The following LRRIQ1 variants were observed in gnomAD, a reference collection of about 807,000 sequenced individuals.
The protein encoded by LRRIQ1 is leucine rich repeats and IQ motif containing 1.
In LRRIQ1, 210 loss-of-function variants were observed where a neutral mutation model predicts 211.9. The observed-to-expected ratio is 0.99, with a 90% CI of 0.89 to 1.11. The LOEUF is 1.11. Among genes scored for constraint, LRRIQ1 ranks in the 50% most tolerant of loss-of-function variants. The pLI, the probability that LRRIQ1 is intolerant of heterozygous loss-of-function variation, is 0.00. For missense variants in LRRIQ1, 2,136 were observed against 1,939.5 expected, an observed-to-expected ratio of 1.10 and a Z score of -1.90; for synonymous variants, 699 against 650.1, an observed-to-expected ratio of 1.08 and a Z score of -1.14.
chr12:85,127,879 GCAGA>G lies in LRRIQ1; in HGVS notation c.4061_4064del (p.Gln1354LeufsTer26), dbSNP rs1888483973. The G allele has an allele frequency of 6.2e-7, 1 of 1,613,818 alleles. No individual in the cohort carries two copies. Among genetic ancestry groups the G allele is most frequent in the Non-Finnish European group, 8.5e-7 (1 of 1,179,974 alleles). On this transcript the variant is annotated frameshift_variant, in exon 18 of 27. Coordinates refer to ENST00000393217, the MANE Select transcript of LRRIQ1 (RefSeq NM_001079910.2). LOFTEE classifies it high-confidence loss of function. ...TCATACTGGCGTGGTTACCTCATGC[GCAGA>G]CAGACTCATTTCTCCACAAGGCTAC...
chr12:85,190,445 ATAT>A (rs1892451025), intron 24 of LRRIQ1, among the ~76,000 whole-genome samples: 1 of 147,598 alleles, frequency 6.8e-6, no homozygotes, highest in South Asian at 2.1e-4. Context: ...AAATAGTTTA[ATAT>A]TAATATAAAT....
intron 23 of LRRIQ1, among the ~76,000 whole-genome samples, chr12:85,158,450 C>T (rs1890680477): frequency 6.6e-6 from 1 of 151,412 alleles, no homozygotes; most frequent in African/African-American, 2.4e-5. Flanking sequence ...TAATAATAAC[C>T]AGATTTGTAT....
In LRRIQ1 at chr12:85,143,171, C is replaced by T. The variant is rs112684109; in HGVS notation, c.4329+5202C>T. Among the ~76,000 whole-genome samples the T allele has an allele frequency of 2.8e-3, 431 of 151,692 alleles. 1 individual carries two copies. The highest frequency in any genetic ancestry group is 9.9e-3 in the African/African-American group (409 of 41,452). On this transcript the variant is annotated intron_variant, in intron 19 of 26. Coordinates refer to ENST00000393217, the MANE Select transcript of LRRIQ1 (RefSeq NM_001079910.2). ...TATTTTAACATGTGTGAGGTGATAT[C>T]TCATTGTGGTTTTAATCTGCATTTC...
intron 19 of LRRIQ1, among the ~76,000 whole-genome samples, chr12:85,145,346 TTAGA>T: frequency 6.6e-6 from 1 of 151,780 alleles, no homozygotes; most frequent in Non-Finnish European, 1.5e-5. Flanking sequence ...AAATATTTCC[TTAGA>T]TTGATTTGTT....
chr12:85,247,770 T>C (rs966115681), downstream of LRRIQ1, among the ~76,000 whole-genome samples: 1 of 151,584 alleles, frequency 6.6e-6, no homozygotes, highest in Non-Finnish European at 1.5e-5. Context: ...CACAGTAGAA[T>C]TGTCTTCCTT....
intron 11 of LRRIQ1, among the ~76,000 whole-genome samples, chr12:85,092,839 G>A (rs1885529042): frequency 6.6e-6 from 1 of 152,194 alleles, no homozygotes; most frequent in African/African-American, 2.4e-5. Flanking sequence ...CATCGCTAAA[G>A]CAAAGAAGTC....
At chr12:85,050,996 T>A (rs1043642800) in intron 6 of LRRIQ1, among the ~76,000 whole-genome samples, 39 of 152,192 alleles carry the variant, frequency 2.6e-4, no homozygotes, top group African/African-American at 9.4e-4. Context: ...TGGATGTTTA[T>A]CCCCTTGAAA....
chr12:85,111,598 G>T (rs1481795166), intron 15 of LRRIQ1, among the ~76,000 whole-genome samples: 1 of 152,062 alleles, frequency 6.6e-6, no homozygotes, highest in Non-Finnish European at 1.5e-5. Flanking sequence ...GCCACACTAA[G>T]AAAATATTAA....
intron 25 of LRRIQ1, among the ~76,000 whole-genome samples, chr12:85,230,939 C>T (rs975209003): frequency 6.6e-6 from 1 of 151,976 alleles, no homozygotes; most frequent in African/African-American, 2.4e-5. Flanking sequence ...GTCCCAGCTA[C>T]TCGGAGGCTG....
chr12:85,157,072 T>A (rs181529332), intron 23 of LRRIQ1, among the ~76,000 whole-genome samples: 1 of 151,848 alleles, frequency 6.6e-6, no homozygotes, highest in Admixed American at 6.6e-5. Flanking sequence ...TTATTTAAGA[T>A]GAAAATGAAA....
chr12:85,088,336 G>A (rs1017142998), intron 11 of LRRIQ1, among the ~76,000 whole-genome samples: 1 of 152,114 alleles, frequency 6.6e-6, no homozygotes, highest in African/African-American at 2.4e-5. Flanking sequence ...CCATGCTGTT[G>A]TGGTTACTGT....
chr12:85,102,959 A>AAAATATATATAT (rs1458673370), intron 13 of LRRIQ1, among the ~76,000 whole-genome samples: 3 of 108,464 alleles, frequency 2.8e-5, no homozygotes, highest in African/African-American at 1.2e-4. Flanking sequence ...AAAAAAAAAA[A>AAAATATATATAT]ATATATATAT....
chr12:85,242,500 C>T (rs536993925), intron 26 of LRRIQ1, among the ~76,000 whole-genome samples: 47 of 151,942 alleles, frequency 3.1e-4, no homozygotes, highest in Non-Finnish European at 5.6e-4. Flanking sequence ...GGGACATGAG[C>T]ATCCATGGAT....
At chr12:85,088,515 G>A (rs952782657) in intron 11 of LRRIQ1, among the ~76,000 whole-genome samples, 2 of 152,128 alleles carry the variant, frequency 1.3e-5, no homozygotes, top group Non-Finnish European at 2.9e-5. Context: ...GGATAGCATT[G>A]AATCTATAAA....
chr12:85,148,679 T>C (rs1310706978), intron 19 of LRRIQ1, among the ~76,000 whole-genome samples: 2 of 152,034 alleles, frequency 1.3e-5, no homozygotes, highest in African/African-American at 4.8e-5. Context: ...ATGAGATTGC[T>C]GGGTCAAATG....
At chr12:85,089,510 A>G (rs1447805837) in intron 11 of LRRIQ1, among the ~76,000 whole-genome samples, 1 of 152,250 alleles carries the variant, frequency 6.6e-6, no homozygotes. Flanking sequence ...GGTCTCAGAT[A>G]CAAATGAGAA....
chr12:85,058,846 T>C (rs1435031187), intron 8 of LRRIQ1, among the ~76,000 whole-genome samples: 1 of 151,860 alleles, frequency 6.6e-6, no homozygotes, highest in African/African-American at 2.4e-5. Flanking sequence ...TGCTGGTGAG[T>C]GGACTAATCT....
chr12:85,221,883 G>A (rs1462278395), intron 24 of LRRIQ1, among the ~76,000 whole-genome samples: 1 of 152,184 alleles, frequency 6.6e-6, no homozygotes, highest in Non-Finnish European at 1.5e-5. Context: ...AAGATCATTT[G>A]CAGTATGGAG....
chr12:85,204,104 A>C (rs752635844), intron 24 of LRRIQ1, among the ~76,000 whole-genome samples: 4 of 152,208 alleles, frequency 2.6e-5, no homozygotes, highest in Non-Finnish European at 4.4e-5. Flanking sequence ...TCATTGTCCC[A>C]TGGCTAAAAG....
Sources: allele counts gnomAD v4.1 joint callset (sites outside exome capture counted in the v4.1 genomes callset), GRCh38; gene constraint gnomAD v4.1.1; transcripts MANE v1.5; gene names NCBI Gene and HGNC (gene_info 2026-07-23, HGNC 2026-07-21).